RABGAP1L: variants seen among roughly 807,000 people sequenced by gnomAD.
The protein encoded by RABGAP1L is RAB GTPase activating protein 1 like, also known as rab GTPase-activating protein 1-like.
In RABGAP1L, 63 loss-of-function variants were observed where a neutral mutation model predicts 137.7. That is an observed-to-expected ratio of 0.46 (90% CI 0.37 to 0.56). RABGAP1L has a LOEUF of 0.56. Ranked by LOEUF, RABGAP1L falls within the 20% of genes least tolerant of loss-of-function variation. RABGAP1L has a pLI of 0.00. For synonymous variants in RABGAP1L, 431 were observed against 433.7 expected, an observed-to-expected ratio of 0.99 and a Z score of 0.08; for missense variants, 1,095 against 1,244.0, an observed-to-expected ratio of 0.88 and a Z score of 1.80.
intron 13 of RABGAP1L, among the ~76,000 whole-genome samples, chr1:174,560,542 C>G (rs1324123941): frequency 1.3e-5 from 2 of 152,154 alleles, no homozygotes; most frequent in Non-Finnish European, 2.9e-5. Flanking sequence ...TGATGGAGAA[C>G]CACTACTTTA....
chr1:174,446,584 C>G (rs903395338), intron 13 of RABGAP1L, among the ~76,000 whole-genome samples: 2 of 152,180 alleles, frequency 1.3e-5, no homozygotes, highest in African/African-American at 4.8e-5. Context: ...GGATTCTATC[C>G]TGGCAGCCTT....
intron 19 of RABGAP1L, among the ~76,000 whole-genome samples, chr1:174,841,637 A>C (rs1693416564): frequency 6.6e-6 from 1 of 152,084 alleles, no homozygotes; most frequent in South Asian, 2.1e-4. Flanking sequence ...TATGATATTA[A>C]GTTTATAAAA....
At chr1:174,387,308 A>G (rs1188808158) in intron 12 of RABGAP1L, among the ~76,000 whole-genome samples, 1 of 152,174 alleles carries the variant, frequency 6.6e-6, no homozygotes. Context: ...TGATTTAAAG[A>G]TGAGTAAGGA....
intron 8 of RABGAP1L, among the ~76,000 whole-genome samples, chr1:174,273,166 TAAG>T (rs1674694590): frequency 6.6e-6 from 1 of 152,076 alleles, no homozygotes; most frequent in Non-Finnish European, 1.5e-5. Context: ...TTAGTGATAA[TAAG>T]CACTATATGC....
At chr1:174,541,277 T>C (rs1468947663) in intron 13 of RABGAP1L, among the ~76,000 whole-genome samples, 3 of 152,202 alleles carry the variant, frequency 2.0e-5, no homozygotes, top group Non-Finnish European at 2.9e-5. Context: ...TTGAATATCC[T>C]TTATTTCTTT....
intron 19 of RABGAP1L, chr1:174,874,367 G>A (rs1050830021): frequency 1.7e-6 from 1 of 576,532 alleles, no homozygotes; most frequent in Non-Finnish European, 2.2e-6. Flanking sequence ...ACATGACCAT[G>A]AGGAAACTGA....
intron 13 of RABGAP1L, among the ~76,000 whole-genome samples, chr1:174,514,521 A>ATATG (rs1336826346): frequency 6.6e-6 from 1 of 152,194 alleles, no homozygotes; most frequent in African/African-American, 2.4e-5. Context: ...TGAATTAAAA[A>ATATG]TATGTACTTG....
intron 11 of RABGAP1L, among the ~76,000 whole-genome samples, chr1:174,333,798 G>A (rs924449329): frequency 3.3e-5 from 5 of 152,204 alleles, no homozygotes; most frequent in African/African-American, 7.2e-5. Flanking sequence ...TTGATCTGGA[G>A]CAGAGCGTGG....
At chr1:174,327,998 T>TATATATATATAC (rs1680674158) in intron 11 of RABGAP1L, among the ~76,000 whole-genome samples, 1 of 90,144 alleles carries the variant, frequency 1.1e-5, no homozygotes, top group African/African-American at 5.1e-5. Flanking sequence ...TATATATATA[T>TATATATATATAC]ATATATATAT....
chr1:174,546,356 C>A (rs1666009586), intron 13 of RABGAP1L, among the ~76,000 whole-genome samples: 1 of 151,944 alleles, frequency 6.6e-6, no homozygotes, highest in Admixed American at 6.5e-5. Flanking sequence ...TGTAGGTAGC[C>A]TATTAGGTAT....
chr1:174,604,815 G>A (rs1572476175), intron 13 of RABGAP1L, among the ~76,000 whole-genome samples: 1 of 152,208 alleles, frequency 6.6e-6, no homozygotes, highest in South Asian at 2.1e-4. Flanking sequence ...CATCAGGACT[G>A]TAAGGTGGAT....
At chr1:174,404,819 G>A (rs1009563077) in intron 13 of RABGAP1L, among the ~76,000 whole-genome samples, 2 of 152,144 alleles carry the variant, frequency 1.3e-5, no homozygotes, top group African/African-American at 4.8e-5. Flanking sequence ...AAGGGCAATA[G>A]TTGCAAATAT....
chr1:174,517,700 G>A (rs1207817409), intron 13 of RABGAP1L, among the ~76,000 whole-genome samples: 1 of 152,120 alleles, frequency 6.6e-6, no homozygotes, highest in East Asian at 1.9e-4. Context: ...CAGTACATCT[G>A]TTTCTTTCAC....
intron 17 of RABGAP1L, among the ~76,000 whole-genome samples, chr1:174,704,887 C>T (rs1412084395): frequency 6.6e-6 from 1 of 152,122 alleles, no homozygotes; most frequent in African/African-American, 2.4e-5. Context: ...AAATTCACAT[C>T]TTCAAGTTCT....
intron 13 of RABGAP1L, among the ~76,000 whole-genome samples, chr1:174,479,677 C>T (rs1259286514): frequency 2.0e-5 from 3 of 152,166 alleles, no homozygotes; most frequent in African/African-American, 4.8e-5. Context: ...CTTTTCTTTT[C>T]TATTCCGTTG....
intron 13 of RABGAP1L, among the ~76,000 whole-genome samples, chr1:174,503,965 T>TC (rs58223587): frequency 0.36 from 53,176 of 149,340 alleles, 12,032 homozygotes; most frequent in African/African-American, 0.64. Context: ...AATAGACTCT[T>TC]TTTTTTTTCT....
intron 7 of RABGAP1L, among the ~76,000 whole-genome samples, chr1:174,271,731 C>A (rs1438661759): frequency 6.6e-6 from 1 of 152,008 alleles, no homozygotes; most frequent in African/African-American, 2.4e-5. Context: ...AAATCCTTTA[C>A]AAATAAAGTG....
At chr1:174,439,207 G>A (rs1324482521) in intron 13 of RABGAP1L, among the ~76,000 whole-genome samples, 1 of 151,942 alleles carries the variant, frequency 6.6e-6, no homozygotes, top group Non-Finnish European at 1.5e-5. Context: ...GCTAGATGTA[G>A]GTTTTCCCAT....
At chr1:174,414,913 A>AC (rs1275865672) in intron 13 of RABGAP1L, among the ~76,000 whole-genome samples, 3 of 152,018 alleles carry the variant, frequency 2.0e-5, no homozygotes, top group Non-Finnish European at 4.4e-5. Context: ...TCAAATAGAA[A>AC]AAAAAATGGA....
Sources: allele counts gnomAD v4.1 joint callset (sites outside exome capture counted in the v4.1 genomes callset), GRCh38; gene constraint gnomAD v4.1.1; transcripts MANE v1.5; gene names NCBI Gene and HGNC (gene_info 2026-07-23, HGNC 2026-07-21).